The following HHLA2 variants were observed in gnomAD, a reference collection of about 807,000 sequenced individuals.
HHLA2 encodes the protein HERV-H LTR-associating protein 2.
Under a neutral mutation model 45.9 loss-of-function variants are expected in HHLA2, and 48 were observed. The observed-to-expected ratio is 1.05, with a 90% CI of 0.83 to 1.33. The LOEUF is 1.33. Ranked by LOEUF, HHLA2 falls within the 40% of genes most tolerant of loss-of-function variation. HHLA2 has a pLI of 0.00. For synonymous variants in HHLA2, 161 were observed against 173.9 expected, an observed-to-expected ratio of 0.93 and a Z score of 0.59; for missense variants, 462 against 494.3, an observed-to-expected ratio of 0.93 and a Z score of 0.62.
At chr3:108,320,937 A>G (rs1347075825) in intron 2 of HHLA2, among the ~76,000 whole-genome samples, 1 of 152,096 alleles carries the variant, frequency 6.6e-6, no homozygotes, top group African/African-American at 2.4e-5. Flanking sequence ...CGCAGAAGTC[A>G]GTGATAACAG....
rs143944922 is a variant in HHLA2 at position 108,355,057 on chromosome 3, G to A, written c.419-58G>A. On this transcript the variant is annotated intron_variant, in intron 5 of 10. Transcript: ENST00000619531. ...ATATTAAAAAGTATTCTGCACAGAC[G>A]GCCTATAAAGAAGCTAATGATGGCA... The A allele has an allele frequency of 5.0e-5, 76 of 1,516,750 alleles. 1 individual carries two copies. The East Asian group carries it at 6.9e-4, about 14-fold the overall frequency. 94.0% of individuals were successfully genotyped at this position (1,516,750 alleles called of 1,614,324 possible).
At chr3:108,365,910 A>G (rs1242786785) in intron 8 of HHLA2, among the ~76,000 whole-genome samples, 1 of 152,236 alleles carries the variant, frequency 6.6e-6, no homozygotes, top group Non-Finnish European at 1.5e-5. Context: ...TTCTAAATAT[A>G]CAATGACATC....
At chr3:108,333,825 C>G (rs1560220157) in intron 3 of HHLA2, among the ~76,000 whole-genome samples, 1 of 152,078 alleles carries the variant, frequency 6.6e-6, no homozygotes, top group South Asian at 2.1e-4. Flanking sequence ...TGAATGCTGT[C>G]CTACGCTAGA....
At chr3:108,368,950 T>C (rs1028779936) in intron 8 of HHLA2, among the ~76,000 whole-genome samples, 12 of 152,158 alleles carry the variant, frequency 7.9e-5, no homozygotes, top group Non-Finnish European at 1.6e-4. Context: ...ATATAGCACT[T>C]ATTCTAAAAT....
At chr3:108,348,112 C>T (rs1015346665) in intron 3 of HHLA2, among the ~76,000 whole-genome samples, 4 of 151,920 alleles carry the variant, frequency 2.6e-5, no homozygotes, top group Non-Finnish European at 2.9e-5. Flanking sequence ...GAGATGAACT[C>T]GCCTAAGGAG....
At position 108,370,126 on chromosome 3, in the gene HHLA2, G is replaced by A. The variant is rs142973641; in HGVS notation, c.1109-5624G>A. Among the ~76,000 whole-genome samples, 5 of 152,262 alleles carry A rather than the reference G, an allele frequency of 3.3e-5. No individual in the cohort carries two copies. The East Asian group carries it at 7.7e-4, about 24-fold the overall frequency. ...TCTGAGACAAAACTTCCAGAGGAACGATCAGGCAGCAGCATCTGTAGTTCA... is the reference window on the plus strand; with the variant it reads ...TCTGAGACAAAACTTCCAGAGGAACAATCAGGCAGCAGCATCTGTAGTTCA... On this transcript the variant is annotated intron_variant, in intron 8 of 10. Transcript: ENST00000619531.
intron 1 of HHLA2, among the ~76,000 whole-genome samples, chr3:108,308,608 T>C (rs551464159): frequency 6.6e-6 from 1 of 152,336 alleles, no homozygotes; most frequent in Non-Finnish European, 1.5e-5. Context: ...CATACTGTTG[T>C]ACTAATTTAG....
At chr3:108,319,932 T>G (rs1350877374) in intron 2 of HHLA2, among the ~76,000 whole-genome samples, 1 of 152,180 alleles carries the variant, frequency 6.6e-6, no homozygotes, top group Non-Finnish European at 1.5e-5. Flanking sequence ...CATGTACATA[T>G]CACATAGCCT....
At chr3:108,328,188 C>A in intron 2 of HHLA2, 2 of 615,184 alleles carry the variant, frequency 3.3e-6, no homozygotes, top group South Asian at 3.1e-5. Flanking sequence ...TATTTTCTTC[C>A]AAAGGGAATT....
intron 3 of HHLA2, among the ~76,000 whole-genome samples, chr3:108,348,178 G>C (rs561278268): frequency 6.6e-6 from 1 of 152,006 alleles, no homozygotes; most frequent in Non-Finnish European, 1.5e-5. Context: ...CATAAATAGG[G>C]CAAGCAGAAG....
In HHLA2 at chr3:108,324,517, T is replaced by C. The variant is rs368039087; in HGVS notation, c.-104-3753T>C. ...GATAACCACCTGGTTTGCCAGGCAA[T>C]CAAGCACTCCTAGGCTTTCACAAGG... is the stretch of plus-strand genomic sequence containing the variant. On this transcript the variant is annotated intron_variant, in intron 2 of 10. Coordinates refer to ENST00000619531, the Ensembl canonical transcript of HHLA2. Among the ~76,000 whole-genome samples the C allele has an allele frequency of 2.8e-4, 42 of 152,306 alleles. No individual in the cohort carries two copies. In the East Asian group the frequency reaches 4.4e-3, roughly 16 times the overall value.
intron 3 of HHLA2, among the ~76,000 whole-genome samples, chr3:108,333,566 A>G (rs147185625): frequency 1.2e-4 from 18 of 146,108 alleles, no homozygotes; most frequent in African/African-American, 4.3e-4. Flanking sequence ...GTCCAACCCT[A>G]TATGTCTTTT....
chr3:108,370,226 C>T (rs562040078), intron 8 of HHLA2, among the ~76,000 whole-genome samples: 9 of 152,284 alleles, frequency 5.9e-5, no homozygotes, highest in African/African-American at 1.9e-4. Flanking sequence ...GTTTAGTGGA[C>T]CTCCAGCAAA....
At chr3:108,336,209 T>G (rs535710138) in intron 3 of HHLA2, among the ~76,000 whole-genome samples, 1 of 152,292 alleles carries the variant, frequency 6.6e-6, no homozygotes, top group African/African-American at 2.4e-5. Flanking sequence ...TAGTTAGCCT[T>G]ATGACATTGT....
intron 1 of HHLA2, among the ~76,000 whole-genome samples, chr3:108,300,435 T>C (rs1333348126): frequency 2.0e-5 from 3 of 152,020 alleles, no homozygotes; most frequent in Admixed American, 6.6e-5. Flanking sequence ...ACGAAACCAG[T>C]TAGGGGGTAG....
chr3:108,331,764 G>C (rs764806936), intron 3 of HHLA2, among the ~76,000 whole-genome samples: 8 of 152,056 alleles, frequency 5.3e-5, no homozygotes, highest in Non-Finnish European at 1.0e-4. Context: ...ATTACATCTG[G>C]CTATCAAAGT....
chr3:108,361,104 A>G (rs2081977320), intron 7 of HHLA2, among the ~76,000 whole-genome samples: 1 of 152,084 alleles, frequency 6.6e-6, no homozygotes, highest in Non-Finnish European at 1.5e-5. Flanking sequence ...ATTAATACTA[A>G]TTTCAACAAT....
At chr3:108,334,972 T>A (rs571069256) in intron 3 of HHLA2, among the ~76,000 whole-genome samples, 174 of 152,344 alleles carry the variant, frequency 1.1e-3, no homozygotes, top group African/African-American at 4.1e-3. Flanking sequence ...TGTCCCCTCA[T>A]TGGAGCAAAT....
rs190537386 is a variant in HHLA2 at position 108,348,756 on chromosome 3, G to A, written c.-26-3032G>A. Among the ~76,000 whole-genome samples, 175 of 151,952 alleles carry A rather than the reference G, an allele frequency of 1.2e-3. 4 individuals carry two copies. The highest frequency in any genetic ancestry group is 0.011 in the Admixed American group (161 of 15,248). On this transcript the variant is annotated intron_variant, in intron 3 of 10. Transcript: ENST00000619531. The stretch of plus-strand genomic sequence containing the variant: ...GGTGGTTTGCTGCACCCATCAACCC[G>A]TCACCTACATTAGGTATTTATCCTA...
Sources: gnomAD v4.1 joint callset for allele counts (sites outside exome capture counted in the v4.1 genomes callset) on GRCh38, gnomAD v4.1.1 for gene constraint, MANE v1.5 for transcripts, NCBI Gene and HGNC (gene_info 2026-07-23, HGNC 2026-07-21) for gene names.